Variants in FER1L6 observed in about 807,000 individuals in gnomAD.
The protein encoded by FER1L6 is fer-1-like protein 6.
In FER1L6, 177 loss-of-function variants were observed where a neutral mutation model predicts 219.2. That is an observed-to-expected ratio of 0.81 (90% confidence interval 0.71 to 0.91). The LOEUF (loss-of-function observed/expected upper bound fraction) is 0.91. Among genes scored for constraint, FER1L6 ranks in the 40% least tolerant of loss-of-function variants. FER1L6 has a pLI of 0.00. For synonymous variants in FER1L6, 768 were observed against 824.3 expected (o/e 0.93, Z 1.17); for missense variants, 2,153 against 2,259.9 (o/e 0.95, Z 0.96).
chr8:124,110,449 A>G (rs1822975704), intron 39 of FER1L6, among the ~76,000 whole-genome samples: 1 of 152,204 alleles, frequency 6.6e-6, no homozygotes, highest in South Asian at 2.1e-4. Context: ...AAAGAGCCAT[A>G]GAAACAGAAG....
intron 33 of FER1L6, among the ~76,000 whole-genome samples, chr8:124,088,349 T>C (rs1477422873): frequency 6.6e-6 from 1 of 152,032 alleles, no homozygotes; most frequent in African/African-American, 2.4e-5. Flanking sequence ...ACTGCCAGTG[T>C]TCACTGTGGC....
chr8:123,876,744 G>A (rs1817010935), intron 1 of FER1L6, among the ~76,000 whole-genome samples: 3 of 152,058 alleles, frequency 2.0e-5, no homozygotes, highest in Admixed American at 2.0e-4. Context: ...TGCTTATGGG[G>A]CTGACATGTC....
chr8:123,913,592 C>T (rs1337778890), intron 1 of FER1L6, among the ~76,000 whole-genome samples: 1 of 152,034 alleles, frequency 6.6e-6, no homozygotes, highest in East Asian at 1.9e-4. Context: ...TTTTGTTTTT[C>T]TCTCTCTAAA....
rs77874098 is a variant in FER1L6, at chr8:123,911,729, C to T, written c.-7-44263C>T. On this transcript the variant is annotated intron_variant, in intron 1 of 40. Coordinates refer to ENST00000522917, the MANE Select transcript of FER1L6 (RefSeq NM_001039112.2). ...TCCCGGAGTTGTGAAACTGATTGTC[C>T]GAGAGCATGCAGCTAGTTACTGGTG... Among the ~76,000 whole-genome samples the T allele has an allele frequency of 2.0e-3, 312 of 152,212 alleles. 1 individual carries two copies. Among genetic ancestry groups the T allele is most frequent in the Non-Finnish European group, 3.2e-3 (219 of 68,010 alleles).
chr8:123,981,561 G>A (rs1816327996), intron 11 of FER1L6, among the ~76,000 whole-genome samples: 1 of 152,236 alleles, frequency 6.6e-6, no homozygotes, highest in East Asian at 1.9e-4. Flanking sequence ...GTAGGGAAGG[G>A]AGGTGATGCT....
intron 1 of FER1L6, among the ~76,000 whole-genome samples, chr8:123,891,420 CT>C (rs148371607): frequency 6.6e-6 from 1 of 151,658 alleles, no homozygotes; most frequent in East Asian, 1.9e-4. Context: ...CATTTACCTT[CT>C]TTTTTTTAAT....
At chr8:124,054,129 G>A (rs1221981658) in intron 22 of FER1L6, among the ~76,000 whole-genome samples, 1 of 152,124 alleles carries the variant, frequency 6.6e-6, no homozygotes, top group Admixed American at 6.5e-5. Flanking sequence ...GTGCTCATCT[G>A]AACGTTACAT....
At chr8:124,003,416 GT>G in intron 13 of FER1L6, 69 bp downstream of exon 13, 1 of 348,706 alleles carries the variant, frequency 2.9e-6, no homozygotes, top group Non-Finnish European at 4.6e-6. Context: ...TTCTAGGACT[GT>G]TTTCTTCAGT....
intron 1 of FER1L6, among the ~76,000 whole-genome samples, chr8:123,872,948 T>A (rs1299955757): frequency 6.6e-6 from 1 of 152,232 alleles, no homozygotes; most frequent in Non-Finnish European, 1.5e-5. Flanking sequence ...ATGTTGGACA[T>A]GATGTTCCCT....
chr8:124,076,087 A>G (rs189658107), intron 31 of FER1L6, 111 bp from the exon 32 acceptor site: 29 of 1,369,438 alleles, frequency 2.1e-5, no homozygotes, highest in Admixed American at 7.8e-5. Flanking sequence ...AAATCAGACT[A>G]TCTAGAGACA....
chr8:123,996,856 G>A (rs1817156592), intron 12 of FER1L6, among the ~76,000 whole-genome samples: 2 of 151,956 alleles, frequency 1.3e-5, no homozygotes, highest in African/African-American at 4.8e-5. Context: ...TTAAATTTAT[G>A]ATAACGCTGA....
chr8:124,071,491 G>C lies in FER1L6; in HGVS notation c.3967-15G>C, dbSNP rs370783557. On this transcript the variant is annotated splice_polypyrimidine_tract_variant and intron_variant, in intron 30 of 40. Coordinates refer to ENST00000522917, the MANE Select transcript of FER1L6 (RefSeq NM_001039112.2). ...TGACCATCTCATTTCAATGGGTTGC[G>C]TTTTGTGGTTCCAGGGCTCCTTCTG... 3.7e-6 allele frequency: 6 copies of C among 1,613,704 alleles called. No individual in the cohort carries two copies. The African/African-American group carries it at 8.0e-5, about 22-fold the overall frequency.
At chr8:123,902,669 T>C (rs1812879912) in intron 1 of FER1L6, among the ~76,000 whole-genome samples, 1 of 152,302 alleles carries the variant, frequency 6.6e-6, no homozygotes, top group South Asian at 2.1e-4. Flanking sequence ...TTTAAGTTTA[T>C]GTGAGTCCTT....
Position 124,000,729 on chromosome 8 carries a change from G to C in FER1L6, c.1520-2438G>C, listed in dbSNP as rs1168140402. On this transcript the variant is annotated intron_variant, in intron 12 of 40. Transcript: ENST00000522917. ...TATGCAACTGGGAAAGCCATTCCCA[G>C]AAAGAGCATTCCATCACAGAAGGTC... Among the ~76,000 whole-genome samples the C allele has an allele frequency of 5.9e-5, 9 of 152,154 alleles. No homozygotes were observed. In the South Asian group the frequency reaches 1.9e-3, roughly 32 times the overall value.
chr8:123,858,751 G>A (rs553150955), intron 1 of FER1L6, among the ~76,000 whole-genome samples: 1 of 152,156 alleles, frequency 6.6e-6, no homozygotes, highest in East Asian at 1.9e-4. Context: ...AGAAGCAGTG[G>A]ATCAGTCTCT....
intron 1 of FER1L6, among the ~76,000 whole-genome samples, chr8:123,898,809 A>ATG (rs1563677613): frequency 1.4e-5 from 2 of 141,582 alleles, no homozygotes; most frequent in Non-Finnish European, 3.1e-5. Flanking sequence ...ATATACACAT[A>ATG]TATATACATA....
At chr8:124,010,463 T>A in intron 13 of FER1L6, 131 bp from the exon 14 acceptor site, 1 of 1,034,326 alleles carries the variant, frequency 9.7e-7, no homozygotes, top group Non-Finnish European at 1.4e-6. Flanking sequence ...AAAGATGGTG[T>A]TAAAAGTTTG....
chr8:124,049,770 A>T lies in FER1L6; in HGVS notation c.2874+14A>T. 6.2e-7 allele frequency: 1 copy of T among 1,613,690 alleles called. No homozygotes were observed. Among genetic ancestry groups the T allele is most frequent in the Non-Finnish European group, 8.5e-7 (1 of 1,179,802 alleles). On this transcript the variant is annotated intron_variant, in intron 22 of 40. Transcript: ENST00000522917. ...GAACTGCTGCAGGTGAGTGAACCAG[A>T]TGTGGCACGAGATCTATTAGGTCTA... is the stretch of plus-strand genomic sequence containing the variant.
intron 34 of FER1L6, among the ~76,000 whole-genome samples, chr8:124,092,148 A>G (rs1445055844): frequency 2.0e-5 from 3 of 152,142 alleles, no homozygotes; most frequent in Admixed American, 6.5e-5. Flanking sequence ...ATTATAAATA[A>G]ACACAGAGTT....
Sources: allele counts gnomAD v4.1 joint callset (sites outside exome capture counted in the v4.1 genomes callset), GRCh38; gene constraint gnomAD v4.1.1; transcripts MANE v1.5; gene names NCBI Gene and HGNC (gene_info 2026-07-23, HGNC 2026-07-21).